The following ECPAS variants were observed in gnomAD, a reference collection of about 807,000 sequenced individuals.
ECPAS encodes proteasome adapter and scaffold protein ECM29.
Under a neutral mutation model 255.1 loss-of-function variants are expected in ECPAS, and 70 were observed. The observed-to-expected ratio is 0.27, with a 90% CI of 0.23 to 0.33. The LOEUF (loss-of-function observed/expected upper bound fraction) is 0.33, where lower values mean the gene tolerates loss of function less well. Among genes scored for constraint, ECPAS ranks in the 10% least tolerant of loss-of-function variants. The pLI is 1.00. For missense variants in ECPAS, 1,817 were observed against 2,206.4 expected, an observed-to-expected ratio of 0.82 and a Z score of 3.54; for synonymous variants, 784 against 775.0, an observed-to-expected ratio of 1.01 and a Z score of -0.19.
At chr9:111,433,138 C>A in intron 8 of ECPAS, 95 bp downstream of exon 8, 1 of 1,259,290 alleles carries the variant, frequency 7.9e-7, no homozygotes, top group Non-Finnish European at 1.1e-6. Flanking sequence ...AAGTTGAATG[C>A]CTCATTACAA....
Position 111,378,675 on chromosome 9 carries a change from C to A in ECPAS, c.3859G>T (p.Ala1287Ser), listed in dbSNP as rs1384418915. Reference sequence around the variant, plus strand: ...AGCAGAGCTGGAATGAGTTTTGGTGCATGCGGTTTCAACATGGCTCCTGCA... The same window carrying A: ...AGCAGAGCTGGAATGAGTTTTGGTGAATGCGGTTTCAACATGGCTCCTGCA... The part of the protein sequence containing the change: ...KSAGAMLKPH[A>S]PKLIPALLES... Residue 1287 changes from alanine (A) to serine (S), a missense_variant, in exon 36 of 50, where the codon GCA becomes TCA. This residue lies in a region of ECPAS where 960 missense variants were observed against 1,179.0 expected (regional missense o/e 0.81). Coordinates refer to ENST00000684092, the MANE Select transcript of ECPAS (RefSeq NM_001364929.1). 3 of 1,613,796 alleles carry A rather than the reference C, an allele frequency of 1.9e-6. No homozygotes were observed. Among genetic ancestry groups the A allele is most frequent in the Non-Finnish European group, 2.5e-6 (3 of 1,179,740 alleles).
chr9:111,475,811 G>T (rs549901425), intron 1 of ECPAS, among the ~76,000 whole-genome samples: 1 of 151,766 alleles, frequency 6.6e-6, no homozygotes, highest in Non-Finnish European at 1.5e-5. Flanking sequence ...AGAAATATCC[G>T]TGGTCATTTT....
rs956821660 is a variant in ECPAS at position 111,424,498 on chromosome 9, A to G, written c.1215+920T>C. Among the ~76,000 whole-genome samples, 74 of 152,332 alleles carry G rather than the reference A, an allele frequency of 4.9e-4. No individual in the cohort carries two copies. In the Middle Eastern group the frequency reaches 0.014, roughly 28 times the overall value. On this transcript the variant is annotated intron_variant, in intron 12 of 49. Transcript: ENST00000684092. Reference sequence around the variant, plus strand: ...AGACTGGGGAAAATAATGCTAATGAATTCTTGAAATATTACCTTTTTAAGC... The same window carrying G: ...AGACTGGGGAAAATAATGCTAATGAGTTCTTGAAATATTACCTTTTTAAGC...
chr9:111,418,433 T>A (rs1220389471), intron 16 of ECPAS, among the ~76,000 whole-genome samples: 1 of 152,114 alleles, frequency 6.6e-6, no homozygotes, highest in East Asian at 1.9e-4. Flanking sequence ...AACTAATAAC[T>A]CATAAGTGAC....
At chr9:111,430,419 C>A in intron 9 of ECPAS, 128 bp downstream of exon 9, 1 of 686,442 alleles carries the variant, frequency 1.5e-6, no homozygotes, top group African/African-American at 1.8e-5. Flanking sequence ...ACTAGCATGA[C>A]TTAAAACTAG....
intron 24 of ECPAS, among the ~76,000 whole-genome samples, chr9:111,400,571 T>A (rs139514555): frequency 1.3e-5 from 2 of 152,112 alleles, no homozygotes; most frequent in East Asian, 3.9e-4. Context: ...ATAAGAGAAA[T>A]TTAGTAAAGA....
chr9:111,410,248 AC>A (rs1422631111), intron 22 of ECPAS, 35 bp from the exon 23 acceptor site: 1 of 1,564,126 alleles, frequency 6.4e-7, no homozygotes, highest in Non-Finnish European at 8.7e-7. Context: ...AGAATTACAT[AC>A]CATTATCCTT....
chr9:111,481,709 G>A (rs1012918781), intron 1 of ECPAS, among the ~76,000 whole-genome samples: 4 of 152,170 alleles, frequency 2.6e-5, no homozygotes, highest in Non-Finnish European at 5.9e-5. Context: ...AGTGTCCATA[G>A]ACAGATAGAT....
intron 25 of ECPAS, among the ~76,000 whole-genome samples, chr9:111,395,308 G>A (rs903857365): frequency 1.3e-5 from 2 of 151,892 alleles, no homozygotes; most frequent in Middle Eastern, 3.2e-3. Context: ...CTAAGACCTG[G>A]GCCCTAACTG....
At chr9:111,449,991 C>A (rs967681489) in intron 3 of ECPAS, among the ~76,000 whole-genome samples, 3 of 152,168 alleles carry the variant, frequency 2.0e-5, no homozygotes, top group Non-Finnish European at 4.4e-5. Flanking sequence ...TTATACCCCA[C>A]ACTTAGTCTA....
chr9:111,474,146 G>GTC (rs1314519873), intron 1 of ECPAS, among the ~76,000 whole-genome samples: 2 of 152,158 alleles, frequency 1.3e-5, no homozygotes, highest in African/African-American at 4.8e-5. Flanking sequence ...ACTCAAAGCA[G>GTC]TCTCCCTGAA....
chr9:111,406,073 T>C (rs542746121), intron 24 of ECPAS, among the ~76,000 whole-genome samples: 1 of 150,020 alleles, frequency 6.7e-6, no homozygotes, highest in East Asian at 2.0e-4. Flanking sequence ...TGTGCTCCAA[T>C]GTTTACTGCA....
At chr9:111,481,090 C>G (rs7026617) in intron 1 of ECPAS, among the ~76,000 whole-genome samples, 4,281 of 152,266 alleles carry the variant, frequency 0.028, 209 homozygotes, top group African/African-American at 0.097. Context: ...CACCTCACAC[C>G]CAACAGGATG....
At chr9:111,441,599 A>G (rs1182217050) in intron 5 of ECPAS, among the ~76,000 whole-genome samples, 2 of 152,244 alleles carry the variant, frequency 1.3e-5, no homozygotes, top group Admixed American at 6.5e-5. Flanking sequence ...TTTCCACTGC[A>G]TGAATTTAAG....
intron 24 of ECPAS, among the ~76,000 whole-genome samples, chr9:111,401,116 A>T (rs2098175335): frequency 6.6e-6 from 1 of 152,216 alleles, no homozygotes; most frequent in Non-Finnish European, 1.5e-5. Flanking sequence ...AAAGTGCTAA[A>T]AGTAAGAAAG....
rs765912006 is a variant in ECPAS, at chr9:111,411,010, C to T, written c.2347G>A (p.Glu783Lys). ...GTTTCTGTAGCACTCTGAATGAGTTCCTCTTGATCAGGGAGGGTGTCAGCA... is the reference window on the plus strand; with the variant it reads ...GTTTCTGTAGCACTCTGAATGAGTTTCTCTTGATCAGGGAGGGTGTCAGCA... ...RNADTLPDQEELIQSATETIG... is the reference protein window; with the variant it reads ...RNADTLPDQEKLIQSATETIG... Residue 783 changes from glutamate (E) to lysine (K), a missense_variant, in exon 22 of 50, where the codon GAA becomes AAA. Glu to Lys is a moderately conservative substitution (Grantham distance 56, BLOSUM62 1). Coordinates refer to ENST00000684092, the MANE Select transcript of ECPAS (RefSeq NM_001364929.1). 3.9e-5 allele frequency: 63 copies of T among 1,613,670 alleles called. No individual in the cohort carries two copies. The highest frequency in any genetic ancestry group is 5.2e-5 in the Non-Finnish European group (61 of 1,179,814).
At chr9:111,384,861 C>T (rs1364298053) in intron 33 of ECPAS, among the ~76,000 whole-genome samples, 1 of 152,036 alleles carries the variant, frequency 6.6e-6, no homozygotes, top group Non-Finnish European at 1.5e-5. Flanking sequence ...ACATAAAGAT[C>T]TATGTGAGAA....
At position 111,412,646 on chromosome 9, in the gene ECPAS, C is replaced by A. The variant is rs200085610; in HGVS notation, c.2080-498G>T. On this transcript the variant is annotated intron_variant, in intron 20 of 49. Coordinates refer to ENST00000684092, the MANE Select transcript of ECPAS (RefSeq NM_001364929.1). ...AAACCATACAAAAACAGGAGGCAGG[C>A]CCTATTTGGACCTTTGACTATAGCA... 2.6e-5 allele frequency among the ~76,000 whole-genome samples: 4 copies of A among 152,182 alleles called. No individual in the cohort carries two copies. The East Asian group carries it at 7.7e-4, about 29-fold the overall frequency.
At chr9:111,406,346 C>T (rs1259769698) in intron 24 of ECPAS, among the ~76,000 whole-genome samples, 1 of 149,458 alleles carries the variant, frequency 6.7e-6, no homozygotes, top group Non-Finnish European at 1.5e-5. Context: ...ATGGTGGTTA[C>T]CAGAGGCCAG....
Sources: allele counts gnomAD v4.1 joint callset (sites outside exome capture counted in the v4.1 genomes callset), GRCh38; gene constraint gnomAD v4.1.1; regional missense constraint gnomAD v4.1.1; transcripts MANE v1.5; gene names NCBI Gene and HGNC (gene_info 2026-07-23, HGNC 2026-07-21).